Variants in CCDC69 observed in about 807,000 individuals in gnomAD.
CCDC69 encodes coiled-coil domain-containing protein 69.
CCDC69 carries 38 observed loss-of-function variants against 40.3 expected under a neutral mutation model. The ratio of observed to expected loss-of-function variants is 0.94; its 90% CI spans 0.73 to 1.24. CCDC69 has a LOEUF of 1.24. CCDC69 is among the 50% of genes most tolerant of loss of function. The pLI is 0.00. For synonymous variants in CCDC69, 141 were observed against 138.9 expected, an observed-to-expected ratio of 1.02 and a Z score of -0.11; for missense variants, 389 against 357.9, an observed-to-expected ratio of 1.09 and a Z score of -0.70.
rs1766636864 is a variant in CCDC69 at position 151,181,920 on chromosome 5, G to A, written c.*1517C>T. The A allele has an allele frequency of 6.6e-6, 1 of 152,286 alleles. No individual in the cohort carries two copies. Among genetic ancestry groups the A allele is most frequent in the African/African-American group, 2.4e-5 (1 of 41,440 alleles). The allele number at this position is 152,286 out of a possible 1,614,324, so 9.4% of individuals were successfully genotyped here. A position where few individuals can be genotyped will look rare whatever the true frequency, so the allele number is the denominator to read the frequency against. ...CTAGCCTCACCTCTTCCCCCATTTG[G>A]CTGTGGAAATGGAGAAACACAGTCA... On this transcript the variant is annotated 3_prime_UTR_variant, in exon 9 of 9. Transcript: ENST00000355417.
intron 1 of CCDC69, among the ~76,000 whole-genome samples, chr5:151,222,517 T>C (rs1393919854): frequency 1.3e-5 from 2 of 152,248 alleles, no homozygotes; most frequent in Non-Finnish European, 2.9e-5. Flanking sequence ...TGCTTAGGGA[T>C]CATCCTGCTC....
In CCDC69 at chr5:151,205,440, T is replaced by C. The variant is rs777592776; in HGVS notation, c.84A>G (p.Arg28=). Residue 28 remains arginine (R), a synonymous_variant, in exon 2 of 9, where the codon AGA becomes AGG. Transcript: ENST00000355417. ...GGGGACCTAATTCATGGGGCTCTGG[T>C]CTGGGTGGCTGTTCTGGTTCTGGTT... ...RQEPEPEQPP[R]PEPHELGPLN... is the part of the protein sequence containing the mutation. 2 of 1,614,118 alleles carry C rather than the reference T, an allele frequency of 1.2e-6. No homozygotes were observed. Among genetic ancestry groups the C allele is most frequent in the Admixed American group, 1.7e-5 (1 of 60,014 alleles).
chr5:151,205,279 C>G (rs1752837435), intron 2 of CCDC69, 121 bp downstream of exon 2: 1 of 822,090 alleles, frequency 1.2e-6, no homozygotes, highest in Admixed American at 2.3e-5. Flanking sequence ...ACACGATACT[C>G]CTATTAAGGT....
At chr5:151,193,519 G>A (rs1752651934) in intron 4 of CCDC69, among the ~76,000 whole-genome samples, 1 of 149,820 alleles carries the variant, frequency 6.7e-6, no homozygotes, top group African/African-American at 2.5e-5. Context: ...CTGTTGGAAA[G>A]AAAAGAAAAG....
chr5:151,184,271 C>T, intron 8 of CCDC69, 73 bp downstream of exon 8: 2 of 1,152,466 alleles, frequency 1.7e-6, no homozygotes, highest in East Asian at 2.3e-5. Flanking sequence ...TCAGGCCCCT[C>T]TAAGACTCTC....
intron 1 of CCDC69, chr5:151,210,961 G>A (rs1042817717): frequency 3.3e-5 from 5 of 152,124 alleles, no homozygotes; most frequent in African/African-American, 1.2e-4. Context: ...GAGCAAGACT[G>A]TCTCAAGAAA....
intron 1 of CCDC69, among the ~76,000 whole-genome samples, chr5:151,217,359 G>C (rs1561605812): frequency 6.6e-6 from 1 of 152,150 alleles, no homozygotes; most frequent in Non-Finnish European, 1.5e-5. Context: ...GGGTTCCAAA[G>C]GGAGGCACTG....
chr5:151,187,450 G>T lies in CCDC69; in HGVS notation c.329C>A (p.Ala110Asp). The part of the protein sequence containing the change: ...KNEEALQVLR[A>D]SYEQEKEALT... ...CGCTTCTTTCTCCTGTTCATATGAG[G>T]CCCGGAGGACTGTAGGGAAAGGAGA... Residue 110 changes from alanine (A) to aspartate (D), a missense_variant, in exon 5 of 9, where the codon GCC becomes GAC. Coordinates refer to ENST00000355417, the MANE Select transcript of CCDC69 (RefSeq NM_015621.3). The T allele has an allele frequency of 6.2e-7, 1 of 1,613,660 alleles. No individual in the cohort carries two copies. The highest frequency in any genetic ancestry group is 8.5e-7 in the Non-Finnish European group (1 of 1,179,762).
chr5:151,207,955 A>G (rs1752876137), intron 1 of CCDC69, among the ~76,000 whole-genome samples: 1 of 152,196 alleles, frequency 6.6e-6, no homozygotes. Context: ...GAAACACTTT[A>G]AAAAACAAGT....
At chr5:151,188,597 T>C (rs1478428645) in intron 4 of CCDC69, among the ~76,000 whole-genome samples, 2 of 146,254 alleles carry the variant, frequency 1.4e-5, no homozygotes, top group African/African-American at 2.5e-5. Flanking sequence ...AGAGACTCTG[T>C]CTCCAAAAAA....
chr5:151,222,368 T>G (rs1341279820), intron 1 of CCDC69, among the ~76,000 whole-genome samples: 1 of 152,246 alleles, frequency 6.6e-6, no homozygotes, highest in Non-Finnish European at 1.5e-5. Context: ...AACCTGTGCT[T>G]ACTGTGACCT....
intron 1 of CCDC69, among the ~76,000 whole-genome samples, chr5:151,207,336 G>A (rs556541182): frequency 6.6e-6 from 1 of 152,114 alleles, no homozygotes; most frequent in South Asian, 2.1e-4. Flanking sequence ...CTGTCACCCA[G>A]GCTGGAGTGC....
At chr5:151,184,290 G>A (rs751795726) in intron 8 of CCDC69, 54 bp downstream of exon 8, 5 of 1,386,164 alleles carry the variant, frequency 3.6e-6, no homozygotes, top group Non-Finnish European at 5.1e-6. Context: ...TCCCAGCTGG[G>A]AATTTTGGCA....
intron 1 of CCDC69, among the ~76,000 whole-genome samples, chr5:151,215,353 T>C (rs1316980003): frequency 6.6e-6 from 1 of 152,238 alleles, no homozygotes; most frequent in Non-Finnish European, 1.5e-5. Context: ...TCTGTGCTTC[T>C]GTACCCTCCT....
chr5:151,195,718 CAAAAA>C (rs765505789), intron 4 of CCDC69, among the ~76,000 whole-genome samples: 1 of 60,496 alleles, frequency 1.7e-5, no homozygotes, highest in Non-Finnish European at 2.9e-5. Flanking sequence ...GACTCCATCT[CAAAAA>C]AAAAAAAAAA....
intron 4 of CCDC69, 80 bp downstream of exon 4, chr5:151,198,917 G>A (rs1015477937): frequency 1.3e-5 from 13 of 973,500 alleles, no homozygotes; most frequent in Non-Finnish European, 2.2e-5. Context: ...AACAGTGGGA[G>A]TGCCCAGGTG....
intron 3 of CCDC69, among the ~76,000 whole-genome samples, chr5:151,200,908 A>G (rs1752766557): frequency 6.6e-6 from 1 of 152,170 alleles, no homozygotes. Context: ...TTTTCATAGC[A>G]CTTATATTTG....
At chr5:151,195,464 T>C (rs1016773234) in intron 4 of CCDC69, among the ~76,000 whole-genome samples, 2 of 152,080 alleles carry the variant, frequency 1.3e-5, no homozygotes, top group African/African-American at 4.8e-5. Context: ...CTCACGCCTG[T>C]AATCTCAGCA....
Position 151,185,460 on chromosome 5 carries a change from G to T in CCDC69, c.577C>A (p.His193Asn), listed in dbSNP as rs1481380210. 1.2e-6 allele frequency: 2 copies of T among 1,613,932 alleles called. No individual in the cohort carries two copies. Among genetic ancestry groups the T allele is most frequent in the African/African-American group, 2.7e-5 (2 of 74,928 alleles). Residue 193 changes from histidine to asparagine, a missense_variant, in exon 7 of 9, where the codon CAT (histidine) becomes AAT (asparagine). By Grantham distance (68) the His-to-Asn change is moderately conservative. Transcript: ENST00000355417. ...AGGATCAGCCGCCTGTCCAGCTCAT[G>T]AATACGCTCATTCTTCATCTCGATG... Reference protein sequence around the residue: ...FVIEMKNERIHELDRRLILME... With the variant: ...FVIEMKNERINELDRRLILME...
Sources: gnomAD v4.1 joint callset for allele counts (sites outside exome capture counted in the v4.1 genomes callset) on GRCh38, gnomAD v4.1.1 for gene constraint, MANE v1.5 for transcripts, NCBI Gene and HGNC (gene_info 2026-07-23, HGNC 2026-07-21) for gene names.